Variants in KCNN2 observed in about 807,000 individuals in gnomAD.
The protein encoded by KCNN2 is potassium calcium-activated channel subfamily N member 2, also known as small conductance calcium-activated potassium channel protein 2.
KCNN2 carries 24 observed loss-of-function variants against 55.5 expected under a neutral mutation model. The ratio of observed to expected loss-of-function variants is 0.43; its 90% CI spans 0.31 to 0.61. KCNN2 has a LOEUF of 0.61. Ranked by LOEUF, KCNN2 falls within the 20% of genes least tolerant of loss-of-function variation. The pLI is 0.08. For missense variants in KCNN2, 754 were observed against 853.6 expected (o/e 0.88, Z 1.45); for synonymous variants, 431 against 336.1 (o/e 1.28, Z -3.09).
chr5:114,316,036 A>G (rs1468975465), intron 2 of KCNN2, among the ~76,000 whole-genome samples: 2 of 152,164 alleles, frequency 1.3e-5, no homozygotes, highest in African/African-American at 2.4e-5. Flanking sequence ...ACTATCTTGA[A>G]ATAAGTTTAC....
chr5:114,278,946 T>C (rs1755558406), intron 2 of KCNN2, among the ~76,000 whole-genome samples: 1 of 152,190 alleles, frequency 6.6e-6, no homozygotes, highest in African/African-American at 2.4e-5. Flanking sequence ...ACCGATCTTC[T>C]GCATCAATCT....
chr5:114,188,113 G>A lies in KCNN2; in HGVS notation c.-270-33367G>A, dbSNP rs868581167. Among the ~76,000 whole-genome samples the A allele has an allele frequency of 1.2e-4, 18 of 152,226 alleles. No individual in the cohort carries two copies. The South Asian group carries it at 1.2e-3, about 11-fold the overall frequency. ...CAGGCGTGAGCCACTGAGCCCGGCCGTCTCTGGCTTTTAAGACCCAGAGAT... is the reference window on the plus strand; with the variant it reads ...CAGGCGTGAGCCACTGAGCCCGGCCATCTCTGGCTTTTAAGACCCAGAGAT... On this transcript the variant is annotated intron_variant, in intron 1 of 10. Transcript: ENST00000512097.
intron 1 of KCNN2, among the ~76,000 whole-genome samples, chr5:114,124,931 T>C (rs1432115495): frequency 6.6e-6 from 1 of 152,200 alleles, no homozygotes; most frequent in African/African-American, 2.4e-5. Flanking sequence ...ATCTTGTTAA[T>C]TTTTCCTTCT....
intron 2 of KCNN2, among the ~76,000 whole-genome samples, chr5:114,364,597 G>A (rs1448350428): frequency 6.6e-6 from 1 of 150,440 alleles, no homozygotes; most frequent in Non-Finnish European, 1.5e-5. Context: ...AAGAGTTAAG[G>A]CCACTGTCCT....
At chr5:114,151,259 C>G (rs553188342) in intron 1 of KCNN2, among the ~76,000 whole-genome samples, 3 of 152,012 alleles carry the variant, frequency 2.0e-5, no homozygotes, top group South Asian at 4.2e-4. Context: ...TAGAGCTAAC[C>G]CTCTCACTCA....
chr5:114,487,543 G>C (rs982927548), intron 6 of KCNN2, among the ~76,000 whole-genome samples: 44 of 152,202 alleles, frequency 2.9e-4, no homozygotes, highest in African/African-American at 1.0e-3. Context: ...TGAAAGTAGT[G>C]CATATAACTG....
intron 1 of KCNN2, among the ~76,000 whole-genome samples, chr5:114,152,342 A>T (rs1185837144): frequency 6.6e-6 from 1 of 152,234 alleles, no homozygotes; most frequent in South Asian, 2.1e-4. Context: ...ACGTCATACT[A>T]TTCTTGAAAA....
chr5:114,489,803 C>G (rs1032176426), intron 6 of KCNN2, among the ~76,000 whole-genome samples: 8 of 152,126 alleles, frequency 5.3e-5, no homozygotes, highest in Admixed American at 3.9e-4. Context: ...TGTGCAGATC[C>G]AGTGAGACCC....
intron 2 of KCNN2, among the ~76,000 whole-genome samples, chr5:114,380,342 G>A (rs1758079256): frequency 6.6e-6 from 1 of 152,120 alleles, no homozygotes; most frequent in Non-Finnish European, 1.5e-5. Flanking sequence ...CACAAACATG[G>A]TGCTGTCACA....
chr5:114,151,106 AT>A (rs5870582), intron 1 of KCNN2, among the ~76,000 whole-genome samples: 5 of 150,454 alleles, frequency 3.3e-5, no homozygotes, highest in Admixed American at 2.0e-4. Context: ...TTGTTTTTGA[AT>A]TTTTTTTTTC....
At chr5:114,465,037 T>A (rs1198647408) in intron 4 of KCNN2, among the ~76,000 whole-genome samples, 1 of 152,158 alleles carries the variant, frequency 6.6e-6, no homozygotes, top group Non-Finnish European at 1.5e-5. Flanking sequence ...AGAAACAACT[T>A]CCTTAGTGTT....
chr5:114,373,943 A>G (rs906900181), intron 2 of KCNN2, among the ~76,000 whole-genome samples: 4 of 151,762 alleles, frequency 2.6e-5, no homozygotes, highest in African/African-American at 7.3e-5. Context: ...TTTGCTGTCT[A>G]TTAAGGACAG....
At chr5:114,448,300 A>G (rs956796741) in intron 3 of KCNN2, among the ~76,000 whole-genome samples, 4 of 152,056 alleles carry the variant, frequency 2.6e-5, no homozygotes, top group Non-Finnish European at 5.9e-5. Flanking sequence ...GATCTCTACA[A>G]GGGTGTTCTG....
chr5:114,189,926 T>C (rs920760418), intron 1 of KCNN2, among the ~76,000 whole-genome samples: 1 of 150,750 alleles, frequency 6.6e-6, no homozygotes, highest in Non-Finnish European at 1.5e-5. Flanking sequence ...CAAAATAAAT[T>C]CCAGATGAAT....
chr5:114,166,744 A>G (rs936415507), intron 1 of KCNN2, among the ~76,000 whole-genome samples: 2 of 152,052 alleles, frequency 1.3e-5, no homozygotes, highest in African/African-American at 4.8e-5. Context: ...CTCCAAATTC[A>G]TATGTTGAAA....
chr5:114,465,369 T>C (rs1761392843), intron 4 of KCNN2, among the ~76,000 whole-genome samples: 1 of 152,098 alleles, frequency 6.6e-6, no homozygotes, highest in South Asian at 2.1e-4. Context: ...TCCCAACACT[T>C]TGGGAGGCCG....
intron 1 of KCNN2, among the ~76,000 whole-genome samples, chr5:114,162,799 G>A (rs536130794): frequency 2.2e-4 from 34 of 152,272 alleles, no homozygotes; most frequent in African/African-American, 8.2e-4. Context: ...GACCCTCCGA[G>A]CCAGGTGTGG....
upstream of KCNN2, among the ~76,000 whole-genome samples, chr5:114,359,218 T>C (rs1433392384): frequency 6.6e-6 from 1 of 152,196 alleles, no homozygotes; most frequent in Non-Finnish European, 1.5e-5. Flanking sequence ...GAAGTAGTAT[T>C]AGTCTGAGTT....
intron 1 of KCNN2, among the ~76,000 whole-genome samples, chr5:114,140,891 C>A (rs1269027869): frequency 1.3e-5 from 2 of 151,408 alleles, no homozygotes; most frequent in African/African-American, 2.4e-5. Flanking sequence ...CGGGTTGAAT[C>A]AATTCTCCTG....
Sources: gnomAD v4.1 joint callset for allele counts (sites outside exome capture counted in the v4.1 genomes callset) on GRCh38, gnomAD v4.1.1 for gene constraint, MANE v1.5 for transcripts, NCBI Gene and HGNC (gene_info 2026-07-23, HGNC 2026-07-21) for gene names.